Variants in MAP3K13 observed in about 807,000 individuals in gnomAD.
MAP3K13 encodes the protein mitogen-activated protein kinase kinase kinase 13, also known as leucine zipper-bearing kinase.
Under a neutral mutation model 104.0 loss-of-function variants are expected in MAP3K13, and 52 were observed. The ratio of observed to expected loss-of-function variants is 0.50; its 90% CI spans 0.40 to 0.63. The LOEUF is 0.63. MAP3K13 is among the 20% of genes least tolerant of loss of function. The pLI is 0.00. For missense variants in MAP3K13, 914 were observed against 1,218.5 expected, an observed-to-expected ratio of 0.75 and a Z score of 3.72; for synonymous variants, 394 against 442.2, an observed-to-expected ratio of 0.89 and a Z score of 1.37.
At chr3:185,355,305 A>G (rs1326879253) in intron 2 of MAP3K13, among the ~76,000 whole-genome samples, 2 of 152,060 alleles carry the variant, frequency 1.3e-5, no homozygotes, top group Non-Finnish European at 2.9e-5. Flanking sequence ...CATCTCTACT[A>G]AAAATACAAA....
At chr3:185,447,655 G>A (rs1186801781) in intron 4 of MAP3K13, 134 bp from the exon 5 acceptor site, 11 of 650,364 alleles carry the variant, frequency 1.7e-5, no homozygotes, top group Middle Eastern at 4.0e-4. Flanking sequence ...CAATGCCCCA[G>A]TGACATTGGA....
chr3:185,409,603 T>A (rs1470592727), intron 1 of MAP3K13, among the ~76,000 whole-genome samples: 1 of 152,054 alleles, frequency 6.6e-6, no homozygotes, highest in Non-Finnish European at 1.5e-5. Context: ...CACATAGAAC[T>A]GCCATATGGT....
chr3:185,439,504 C>T (rs1006136750), intron 3 of MAP3K13, among the ~76,000 whole-genome samples: 2 of 152,044 alleles, frequency 1.3e-5, no homozygotes, highest in African/African-American at 4.8e-5. Flanking sequence ...GCTACACCCT[C>T]CTAAATGGAA....
At chr3:185,446,342 G>A (rs1715593766) in intron 4 of MAP3K13, among the ~76,000 whole-genome samples, 1 of 150,888 alleles carries the variant, frequency 6.6e-6, no homozygotes. Flanking sequence ...TGCAAGCTCC[G>A]CCTCCCGGGT....
At chr3:185,454,365 A>T (rs1282591281) in intron 7 of MAP3K13, among the ~76,000 whole-genome samples, 1 of 98,216 alleles carries the variant, frequency 1.0e-5, no homozygotes, top group Admixed American at 1.3e-4. Context: ...GATATATATG[A>T]GATATATATA....
At chr3:185,424,476 A>G (rs1714303652) in intron 1 of MAP3K13, among the ~76,000 whole-genome samples, 1 of 152,218 alleles carries the variant, frequency 6.6e-6, no homozygotes, top group Non-Finnish European at 1.5e-5. Flanking sequence ...CTCTTGTGAA[A>G]TAGAAATGAC....
At position 185,480,485 on chromosome 3, in the gene MAP3K13, C is replaced by G; in HGVS notation, c.2755C>G (p.Gln919Glu). 6.2e-7 allele frequency: 1 copy of G among 1,614,150 alleles called. No individual in the cohort carries two copies. ...GTGTGCCGTGCGCCGTGTGAAGACT[C>G]AGATGTCTCTGGGCAAGCTGTGTGT... ...KECAVRRVKT[Q>E]MSLGKLCVEE... The change falls in exon 13 of 14, where the codon CAG becomes GAG. Residue 919 changes from glutamine (Q) to glutamate (E), a missense_variant. Physicochemically the swap from Gln to Glu is conservative, Grantham distance 29. Transcript: ENST00000265026.
At chr3:185,365,779 T>C (rs1020326549) in intron 1 of MAP3K13, among the ~76,000 whole-genome samples, 1 of 150,028 alleles carries the variant, frequency 6.7e-6, no homozygotes, top group Non-Finnish European at 1.5e-5. Context: ...GAAAGGAAAA[T>C]GCCGGAAATA....
chr3:185,358,991 G>A (rs754067529), upstream of MAP3K13, among the ~76,000 whole-genome samples: 1 of 152,216 alleles, frequency 6.6e-6, no homozygotes, highest in Middle Eastern at 3.2e-3. Flanking sequence ...CCCTTTGGAA[G>A]TTGGGTCACT....
rs967755488 is a variant in MAP3K13 at position 185,450,757 on chromosome 3, A to G, written c.1170-530A>G. Among the ~76,000 whole-genome samples the G allele has an allele frequency of 6.6e-6, 1 of 152,078 alleles. No homozygotes were observed. The highest frequency in any genetic ancestry group is 1.5e-5 in the Non-Finnish European group (1 of 68,010). ...TGAGATCAGCTTAGGCAACATAGTG[A>G]GACCCCGTCTCTGAAAAAAAAATAA... On this transcript the variant is annotated intron_variant, in intron 6 of 13. Transcript: ENST00000265026. This position sits in a 1 kb window ranked among gnomAD's most constrained non-coding sequence, Gnocchi z 4.2.
At chr3:185,354,344 C>T (rs62288720) in intron 2 of MAP3K13, among the ~76,000 whole-genome samples, 106,941 of 149,472 alleles carry the variant, frequency 0.72, 40,991 homozygotes, top group Non-Finnish European at 0.86. Flanking sequence ...ACCGGGGCAA[C>T]GGCAATCCAA....
chr3:185,422,773 G>A (rs556486546), intron 1 of MAP3K13, among the ~76,000 whole-genome samples: 1 of 152,294 alleles, frequency 6.6e-6, no homozygotes, highest in South Asian at 2.1e-4. Flanking sequence ...GTATAGCAGG[G>A]GTTCCCAACC....
intron 2 of MAP3K13, chr3:185,285,749 T>C (rs921428174): frequency 1.1e-6 from 1 of 936,364 alleles, no homozygotes; most frequent in Non-Finnish European, 1.6e-6. Flanking sequence ...TTAATCTCTT[T>C]ATGTTTTAAT....
chr3:185,379,991 GC>G (rs1467123956), intron 1 of MAP3K13, among the ~76,000 whole-genome samples: 5 of 151,972 alleles, frequency 3.3e-5, no homozygotes, highest in East Asian at 1.9e-4. Flanking sequence ...TTCAATACCA[GC>G]CTGGCCAACA....
intron 1 of MAP3K13, among the ~76,000 whole-genome samples, chr3:185,366,403 G>C (rs911671770): frequency 2.0e-5 from 3 of 152,150 alleles, no homozygotes; most frequent in Non-Finnish European, 4.4e-5. Context: ...GAACATTTGT[G>C]TACACATTTT....
intron 10 of MAP3K13, among the ~76,000 whole-genome samples, chr3:185,471,660 A>G (rs1717799814): frequency 6.6e-6 from 1 of 151,442 alleles, no homozygotes; most frequent in Admixed American, 6.6e-5. Flanking sequence ...GGGTTTCACC[A>G]TGTTGGCCAG....
intron 3 of MAP3K13, among the ~76,000 whole-genome samples, chr3:185,442,568 C>A (rs1405007101): frequency 6.7e-6 from 1 of 150,284 alleles, no homozygotes; most frequent in Non-Finnish European, 1.5e-5. Context: ...GAGTCTCACT[C>A]TGTCACCCAG....
intron 7 of MAP3K13, among the ~76,000 whole-genome samples, chr3:185,457,011 T>C (rs1220538472): frequency 2.0e-5 from 3 of 152,204 alleles, no homozygotes; most frequent in African/African-American, 7.2e-5. Context: ...GTTTACATAT[T>C]TGGAAAAACT....
At chr3:185,341,755 C>A (rs1015068536) in intron 2 of MAP3K13, among the ~76,000 whole-genome samples, 3 of 152,186 alleles carry the variant, frequency 2.0e-5, no homozygotes, top group Non-Finnish European at 4.4e-5. Flanking sequence ...CAGAGATTGG[C>A]AAACTATAGT....
Sources: gnomAD v4.1 joint callset for allele counts (sites outside exome capture counted in the v4.1 genomes callset) on GRCh38, gnomAD v4.1.1 for gene constraint, Gnocchi (gnomAD v3.1) non-coding constraint, MANE v1.5 for transcripts, NCBI Gene and HGNC (gene_info 2026-07-23, HGNC 2026-07-21) for gene names.